The following CD1B variants were observed in gnomAD, a reference collection of about 807,000 sequenced individuals.
The protein encoded by CD1B is T-cell surface glycoprotein CD1b.
In CD1B, 43 loss-of-function variants were observed where a neutral mutation model predicts 39.8. The ratio of observed to expected loss-of-function variants is 1.08; its 90% confidence interval spans 0.85 to 1.39. CD1B has a LOEUF of 1.39. Among genes scored for constraint, CD1B ranks in the 40% most tolerant of loss-of-function variants. The probability of loss-of-function intolerance (pLI) is 0.00; values close to 1 mark genes in which losing one functional copy is unlikely to be tolerated. For synonymous variants in CD1B, 192 were observed against 152.5 expected (o/e 1.26, Z -1.91); for missense variants, 495 against 403.8 (o/e 1.23, Z -1.94).
the CD1B span, among the ~76,000 whole-genome samples, chr1:158,301,689 C>T: frequency 1.3e-5 from 2 of 151,950 alleles, no homozygotes; most frequent in South Asian, 4.2e-4. Flanking sequence ...CTTTGTGGAA[C>T]CCGACTTTTC....
the CD1B span, among the ~76,000 whole-genome samples, chr1:158,298,558 A>C: frequency 6.6e-6 from 1 of 152,198 alleles, no homozygotes; most frequent in Non-Finnish European, 1.5e-5. Context: ...GAAGAAAGTC[A>C]TTGGTAGCTT....
At chr1:158,288,137 A>G in the CD1B span, among the ~76,000 whole-genome samples, 1 of 152,272 alleles carries the variant, frequency 6.6e-6, no homozygotes, top group Non-Finnish European at 1.5e-5. Flanking sequence ...TAACAGCACA[A>G]GATGAGCAAA....
At chr1:158,323,176 T>C (rs1034467610), downstream of CD1B, among the ~76,000 whole-genome samples, 3 of 152,170 alleles carry the variant, frequency 2.0e-5, no homozygotes, top group South Asian at 4.1e-4. Context: ...ACTTCACTTG[T>C]TTCTTTTTTT....
Position 158,328,197 on chromosome 1 carries a change from G to T in CD1B, c.*39C>A. Reference sequence around the variant, plus strand: ...TTTGGGCTGATATCTTGGGCTTCTTGGTACTTATTGCGAATGGGAGAGGAG... The same window carrying T: ...TTTGGGCTGATATCTTGGGCTTCTTTGTACTTATTGCGAATGGGAGAGGAG... On this transcript the variant is annotated 3_prime_UTR_variant, in exon 6 of 6. Coordinates refer to ENST00000368168, the MANE Select transcript of CD1B (RefSeq NM_001764.3). 2 of 1,553,658 alleles carry T rather than the reference G, an allele frequency of 1.3e-6. No individual in the cohort carries two copies. The highest frequency in any genetic ancestry group is 1.8e-6 in the Non-Finnish European group (2 of 1,128,336).
the CD1B span, among the ~76,000 whole-genome samples, chr1:158,289,298 C>T: frequency 6.6e-6 from 1 of 152,152 alleles, no homozygotes; most frequent in Admixed American, 6.5e-5. Context: ...TGGTATCAAC[C>T]ATGTACTATG....
chr1:158,293,549 C>T, the CD1B span: 1 of 1,613,890 alleles, frequency 6.2e-7, no homozygotes, highest in Admixed American at 1.7e-5. Flanking sequence ...ATAGTGATGC[C>T]ATCCCGTCGA....
chr1:158,297,342 C>T, the CD1B span, among the ~76,000 whole-genome samples: 8 of 152,112 alleles, frequency 5.3e-5, no homozygotes. Context: ...AATTTCATAT[C>T]CAGCCCAAGT....
the CD1B span, among the ~76,000 whole-genome samples, chr1:158,308,266 A>C: frequency 1.7e-4 from 26 of 152,294 alleles, no homozygotes; most frequent in South Asian, 3.9e-3. Flanking sequence ...TAGGAATCCA[A>C]CTTACAAGGG....
the CD1B span, among the ~76,000 whole-genome samples, chr1:158,295,009 A>T: frequency 1.2e-4 from 19 of 152,122 alleles, no homozygotes; most frequent in Non-Finnish European, 2.5e-4. Context: ...GCCCTAGGTG[A>T]CTCTCCTGCA....
At chr1:158,299,525 C>T in the CD1B span, among the ~76,000 whole-genome samples, 1 of 152,188 alleles carries the variant, frequency 6.6e-6, no homozygotes, top group Non-Finnish European at 1.5e-5. Context: ...AGGATTCCCT[C>T]TTTTTCTATT....
chr1:158,292,678 C>T, the CD1B span: 26 of 1,613,982 alleles, frequency 1.6e-5, no homozygotes, highest in South Asian at 2.2e-5. Context: ...CCGGCTTCTA[C>T]CCAAAGCCTG....
At chr1:158,291,526 T>C in the CD1B span, 22 of 926,738 alleles carry the variant, frequency 2.4e-5, no homozygotes, top group Non-Finnish European at 3.3e-5. Flanking sequence ...TAGATGAACC[T>C]TTTAAGGGAT....
chr1:158,309,194 A>G, the CD1B span, among the ~76,000 whole-genome samples: 1 of 152,252 alleles, frequency 6.6e-6, no homozygotes, highest in African/African-American at 2.4e-5. Context: ...CACTTCTCAA[A>G]AGAAGACCTT....
At chr1:158,285,701 G>C in the CD1B span, among the ~76,000 whole-genome samples, 25 of 152,240 alleles carry the variant, frequency 1.6e-4, no homozygotes, top group Middle Eastern at 6.8e-3. Flanking sequence ...TTTACAGTGG[G>C]GAATTAGTGC....
At chr1:158,311,871 C>T in the CD1B span, among the ~76,000 whole-genome samples, 1 of 152,210 alleles carries the variant, frequency 6.6e-6, no homozygotes, top group Non-Finnish European at 1.5e-5. Context: ...GTTTTTATAC[C>T]AGTACCATGC....
downstream of CD1B, among the ~76,000 whole-genome samples, chr1:158,327,356 A>G (rs1005757529): frequency 1.3e-5 from 2 of 152,208 alleles, no homozygotes; most frequent in Admixed American, 1.3e-4. Flanking sequence ...TAAAAGCTAG[A>G]CTATAGCTGT....
chr1:158,308,051 G>C, the CD1B span, among the ~76,000 whole-genome samples: 1 of 152,162 alleles, frequency 6.6e-6, no homozygotes, highest in Non-Finnish European at 1.5e-5. Context: ...AATTGTCCCT[G>C]TTTGCAGATG....
At chr1:158,327,668 A>C (rs1471904459), downstream of CD1B, among the ~76,000 whole-genome samples, 3 of 152,178 alleles carry the variant, frequency 2.0e-5, no homozygotes, top group African/African-American at 7.2e-5. Context: ...GAAAAACAAA[A>C]ATAACTCCAA....
At chr1:158,310,342 G>A in the CD1B span, among the ~76,000 whole-genome samples, 1 of 152,124 alleles carries the variant, frequency 6.6e-6, no homozygotes, top group Non-Finnish European at 1.5e-5. Flanking sequence ...AGACTTAAAT[G>A]TAAAACCTAA....
Sources: allele counts gnomAD v4.1 joint callset (sites outside exome capture counted in the v4.1 genomes callset), GRCh38; gene constraint gnomAD v4.1.1; transcripts MANE v1.5; gene names NCBI Gene and HGNC (gene_info 2026-07-23, HGNC 2026-07-21).